PATJ: variants seen among roughly 807,000 people sequenced by gnomAD.
PATJ encodes PATJ crumbs cell polarity complex component.
PATJ carries 190 observed loss-of-function variants against 224.9 expected under a neutral mutation model. That is an observed-to-expected ratio of 0.84 (90% confidence interval 0.75 to 0.95). The LOEUF (loss-of-function observed/expected upper bound fraction) is 0.95, where lower values mean the gene tolerates loss of function less well. PATJ is among the 40% of genes least tolerant of loss of function. The probability of loss-of-function intolerance (pLI) is 0.00; values close to 1 mark genes in which losing one functional copy is unlikely to be tolerated. For synonymous variants in PATJ, 769 were observed against 820.3 expected (o/e 0.94, Z 1.07); for missense variants, 2,121 against 2,270.3 (o/e 0.93, Z 1.34).
chr1:61,945,426 A>G (rs941965884), intron 27 of PATJ, among the ~76,000 whole-genome samples: 2 of 152,160 alleles, frequency 1.3e-5, no homozygotes, highest in Non-Finnish European at 2.9e-5. Context: ...AGGGGTTGCA[A>G]TCCTAGTCTC....
chr1:62,059,304 A>T (rs1198316061), intron 31 of PATJ, among the ~76,000 whole-genome samples: 1 of 152,042 alleles, frequency 6.6e-6, no homozygotes, highest in Non-Finnish European at 1.5e-5. Context: ...AACCTTTTGA[A>T]AAGATCCTTC....
intron 27 of PATJ, among the ~76,000 whole-genome samples, chr1:61,985,813 TTC>T (rs1466266503): frequency 6.6e-6 from 1 of 152,080 alleles, no homozygotes; most frequent in African/African-American, 2.4e-5. Context: ...AACTTCTTTC[TTC>T]CTTAAGTCTC....
intron 22 of PATJ, among the ~76,000 whole-genome samples, chr1:61,891,799 C>CTA (rs1196425646): frequency 6.6e-6 from 1 of 152,120 alleles, no homozygotes; most frequent in Non-Finnish European, 1.5e-5. Context: ...TTTTAAGGTA[C>CTA]AGCCTACTAA....
At chr1:61,820,140 C>T (rs1421216321) in intron 14 of PATJ, among the ~76,000 whole-genome samples, 1 of 151,984 alleles carries the variant, frequency 6.6e-6, no homozygotes, top group African/African-American at 2.4e-5. Flanking sequence ...CTCCTGGATT[C>T]GAGGAATTAT....
In PATJ at chr1:62,120,259, A is replaced by G. The variant is rs1051992805; in HGVS notation, c.4891-922A>G. On this transcript the variant is annotated intron_variant, in intron 37 of 43. Transcript: ENST00000642238. ...ATTGTGAAATCTAGGTGCTATTTAT[A>G]TGGATGTCTATTGTATAATTCTTTC... Among the ~76,000 whole-genome samples the G allele has an allele frequency of 5.3e-5, 8 of 152,308 alleles. No individual in the cohort carries two copies. The East Asian group carries it at 1.5e-3, about 29-fold the overall frequency.
chr1:61,977,690 A>G (rs1369724222), intron 27 of PATJ, among the ~76,000 whole-genome samples: 1 of 151,756 alleles, frequency 6.6e-6, no homozygotes, highest in Non-Finnish European at 1.5e-5. Flanking sequence ...GCCGGCTGGC[A>G]TTACAGTATT....
intron 5 of PATJ, 69 bp downstream of exon 5, chr1:61,769,491 G>T (rs781540714): frequency 2.0e-5 from 29 of 1,476,330 alleles, no homozygotes; most frequent in Non-Finnish European, 2.6e-5. Flanking sequence ...TATAAAGAGA[G>T]TGAAAAACTA....
chr1:62,092,169 G>A (rs753664489), intron 33 of PATJ, among the ~76,000 whole-genome samples: 1 of 151,812 alleles, frequency 6.6e-6, no homozygotes, highest in Non-Finnish European at 1.5e-5. Context: ...CTTGAGGCCA[G>A]GAGTTTGAGA....
In PATJ at chr1:61,856,150, T is replaced by G. The variant is rs1328386782; in HGVS notation, c.2233T>G (p.Leu745Val). 1 of 1,614,166 alleles carries G rather than the reference T, an allele frequency of 6.2e-7. No homozygotes were observed. The highest frequency in any genetic ancestry group is 1.1e-5 in the South Asian group (1 of 91,086). Residue 745 changes from leucine (L) to valine (V), a missense_variant, in exon 18 of 44, where the codon TTG becomes GTG. Coordinates refer to ENST00000642238, the MANE Select transcript of PATJ (RefSeq NM_001350145.3). ...CCTGGTCTCAGTCAATGAATACTGTTTGGACAACACCTCACTTGCTGAAGC... is the reference window on the plus strand; with the variant it reads ...CCTGGTCTCAGTCAATGAATACTGTGTGGACAACACCTCACTTGCTGAAGC... The part of the protein sequence containing the change: ...DRLVSVNEYC[L>V]DNTSLAEAVE...
chr1:62,136,648 CGTGTGTGT>C (rs1297199171), intron 41 of PATJ, among the ~76,000 whole-genome samples: 4 of 71,234 alleles, frequency 5.6e-5, no homozygotes, highest in Admixed American at 1.9e-4. Flanking sequence ...TTATGTTTTG[CGTGTGTGT>C]GTGTGTGTCT....
chr1:61,796,533 A>G (rs988600873), intron 10 of PATJ, among the ~76,000 whole-genome samples: 1 of 152,100 alleles, frequency 6.6e-6, no homozygotes, highest in South Asian at 2.1e-4. Context: ...AAAGTCCTTT[A>G]TATCTCTCAG....
intron 27 of PATJ, among the ~76,000 whole-genome samples, chr1:61,977,833 G>T (rs891261022): frequency 6.0e-5 from 9 of 151,102 alleles, no homozygotes; most frequent in African/African-American, 2.2e-4. Context: ...CACTATGATG[G>T]GGCCTCTGTG....
At chr1:61,762,972 TG>T (rs776060267) in intron 2 of PATJ, 40 bp from the exon 3 acceptor site, 3 of 1,548,486 alleles carry the variant, frequency 1.9e-6, no homozygotes, top group Middle Eastern at 1.9e-4. Context: ...GAATCTCAAA[TG>T]GGACTTAACT....
chr1:61,813,370 TATATATATACAC>T (rs1304049351), intron 14 of PATJ, among the ~76,000 whole-genome samples: 651 of 44,408 alleles, frequency 0.015, 4 homozygotes, highest in Admixed American at 0.051. Context: ...TATATATATA[TATATATATACAC>T]ACACACACAC....
At chr1:62,080,921 A>G (rs1203852801) in intron 32 of PATJ, among the ~76,000 whole-genome samples, 8 of 152,220 alleles carry the variant, frequency 5.3e-5, no homozygotes, top group Non-Finnish European at 2.9e-5. Flanking sequence ...CAAGCTAAAA[A>G]AGGTGTTCAC....
chr1:62,141,165 C>G (rs1434686404), intron 41 of PATJ, among the ~76,000 whole-genome samples: 1 of 151,230 alleles, frequency 6.6e-6, no homozygotes, highest in Admixed American at 6.6e-5. Context: ...CAAATATGGC[C>G]TATAAACTCT....
chr1:62,161,139 T>C lies in PATJ; in HGVS notation c.*85T>C. The C allele has an allele frequency of 1.9e-6, 2 of 1,062,730 alleles. No individual in the cohort carries two copies. Among genetic ancestry groups the C allele is most frequent in the Non-Finnish European group, 2.5e-6 (2 of 804,478 alleles). 65.8% of individuals were successfully genotyped at this position (1,062,730 alleles called of 1,614,324 possible). On this transcript the variant is annotated 3_prime_UTR_variant, in exon 44 of 44. Coordinates refer to ENST00000642238, the MANE Select transcript of PATJ (RefSeq NM_001350145.3). ...TTCTGAGTGGGTATGAAAAGCACCCTCAACTAAAATGCACCTTCATTCTTA... is the reference window on the plus strand; with the variant it reads ...TTCTGAGTGGGTATGAAAAGCACCCCCAACTAAAATGCACCTTCATTCTTA...
At position 62,117,152 on chromosome 1, in the gene PATJ, G is replaced by A; in HGVS notation, c.4824G>A (p.Gln1608=). 1 of 1,614,054 alleles carries A rather than the reference G, an allele frequency of 6.2e-7. No individual in the cohort carries two copies. Among genetic ancestry groups the A allele is most frequent in the South Asian group, 1.1e-5 (1 of 91,082 alleles). Residue 1608 remains glutamine, a synonymous_variant, in exon 37 of 44, where the codon CAG becomes CAA. Transcript: ENST00000642238. ...CCAAGTGTGCACAGGGACTTGTGCA[G>A]CTAGAGATTGGAAGACTCCGAGCTG... The part of the protein sequence containing the change: ...TILKCAQGLV[Q]LEIGRLRAGS...
At chr1:61,830,964 G>A (rs1158367851) in intron 16 of PATJ, among the ~76,000 whole-genome samples, 3 of 152,076 alleles carry the variant, frequency 2.0e-5, no homozygotes, top group Admixed American at 1.3e-4. Flanking sequence ...CAAGGGGACA[G>A]ATCACGAGGT....
Sources: allele counts gnomAD v4.1 joint callset (sites outside exome capture counted in the v4.1 genomes callset), GRCh38; gene constraint gnomAD v4.1.1; transcripts MANE v1.5; gene names NCBI Gene and HGNC (gene_info 2026-07-23, HGNC 2026-07-21).